Variants in PTPRT observed in about 807,000 individuals in gnomAD.
The protein encoded by PTPRT is receptor-type tyrosine-protein phosphatase T.
PTPRT carries 56 observed loss-of-function variants against 176.8 expected under a neutral mutation model. The ratio of observed to expected loss-of-function variants is 0.32; its 90% confidence interval spans 0.26 to 0.40. PTPRT has a LOEUF of 0.40. PTPRT is among the 10% of genes least tolerant of loss of function. The pLI, the probability that PTPRT is intolerant of heterozygous loss-of-function variation, is 1.00. For synonymous variants in PTPRT, 783 were observed against 739.0 expected, an observed-to-expected ratio of 1.06 and a Z score of -0.96; for missense variants, 1,540 against 1,908.2, an observed-to-expected ratio of 0.81 and a Z score of 3.60.
intron 9 of PTPRT, among the ~76,000 whole-genome samples, chr20:42,430,012 G>A (rs531877401): frequency 2.0e-5 from 3 of 152,348 alleles, no homozygotes; most frequent in African/African-American, 7.2e-5. Flanking sequence ...GAGGAGGTTA[G>A]GTTTTATCCT....
intron 7 of PTPRT, among the ~76,000 whole-genome samples, chr20:42,564,834 T>C (rs1025862707): frequency 6.6e-6 from 1 of 152,180 alleles, no homozygotes; most frequent in Non-Finnish European, 1.5e-5. Flanking sequence ...CTGGGTGTTG[T>C]AAGTAACCTA....
At chr20:42,280,323 T>C (rs1600773622) in intron 13 of PTPRT, among the ~76,000 whole-genome samples, 1 of 152,178 alleles carries the variant, frequency 6.6e-6, no homozygotes, top group Non-Finnish European at 1.5e-5. Context: ...CCAAGCATCC[T>C]TCTTATCTGA....
chr20:42,882,901 G>C (rs1012428957), intron 2 of PTPRT, among the ~76,000 whole-genome samples: 2 of 152,234 alleles, frequency 1.3e-5, no homozygotes, highest in Non-Finnish European at 2.9e-5. Context: ...CAGTAGGTAG[G>C]GGAAAGGCTC....
At chr20:42,935,706 C>A (rs949933256) in intron 1 of PTPRT, among the ~76,000 whole-genome samples, 1 of 152,128 alleles carries the variant, frequency 6.6e-6, no homozygotes, top group African/African-American at 2.4e-5. Context: ...CTCGTCTAGT[C>A]CGGTCTAGTC....
chr20:42,365,630 T>C (rs2058503894), intron 9 of PTPRT, among the ~76,000 whole-genome samples: 1 of 151,722 alleles, frequency 6.6e-6, no homozygotes, highest in Non-Finnish European at 1.5e-5. Flanking sequence ...ACACATGAAA[T>C]ACACTCACAC....
intron 1 of PTPRT, among the ~76,000 whole-genome samples, chr20:43,108,931 T>C (rs2012739069): frequency 6.6e-6 from 1 of 152,094 alleles, no homozygotes; most frequent in Non-Finnish European, 1.5e-5. Context: ...AGAAATGCAT[T>C]CACCCAATGC....
intron 1 of PTPRT, among the ~76,000 whole-genome samples, chr20:43,089,560 A>G (rs1311476136): frequency 6.6e-6 from 1 of 152,256 alleles, no homozygotes; most frequent in Non-Finnish European, 1.5e-5. Context: ...TCATAAAATC[A>G]CTGTGAACTG....
intron 7 of PTPRT, among the ~76,000 whole-genome samples, chr20:42,508,803 C>CTT (rs1212239444): frequency 6.6e-6 from 1 of 150,740 alleles, no homozygotes; most frequent in Non-Finnish European, 1.5e-5. Flanking sequence ...CATATTTTTA[C>CTT]TTAATAGACC....
chr20:42,791,552 G>A (rs2145552455), intron 2 of PTPRT, 86 bp from the exon 3 acceptor site: 1 of 1,410,572 alleles, frequency 7.1e-7, no homozygotes, highest in Non-Finnish European at 9.5e-7. Context: ...CATAAACATG[G>A]TGGCCAGAGG....
At position 43,051,625 on chromosome 20, in the gene PTPRT, T is replaced by TAAAAAAAAAAAAA. The variant is rs35885799; in HGVS notation, c.88+138008_88+138020dup. 6.7e-4 allele frequency among the ~76,000 whole-genome samples: 62 copies of TAAAAAAAAAAAAA among 91,948 alleles called. 3 individuals carry two copies. Among genetic ancestry groups the TAAAAAAAAAAAAA allele is most frequent in the African/African-American group, 3.1e-3 (58 of 18,806 alleles). The allele number at this position is 91,948 out of a possible 152,430, so 60.3% of individuals were successfully genotyped here. A position where few individuals can be genotyped will look rare whatever the true frequency, so the allele number is the denominator to read the frequency against. On this transcript the variant is annotated intron_variant, in intron 1 of 30. Coordinates refer to ENST00000373187, the MANE Select transcript of PTPRT (RefSeq NM_007050.6). Reference sequence around the variant, plus strand: ...TCCTTCCAGCCACACTCTGTAACTGTAAAAAAAAAAAAAAAAAAAAAAAAT... The same window carrying TAAAAAAAAAAAAA: ...TCCTTCCAGCCACACTCTGTAACTGTAAAAAAAAAAAAAAAAAAAAAAAAAAAAAAAAAAAAAT...
chr20:42,497,055 T>C (rs1178397935), intron 7 of PTPRT, among the ~76,000 whole-genome samples: 1 of 152,174 alleles, frequency 6.6e-6, no homozygotes, highest in Non-Finnish European at 1.5e-5. Flanking sequence ...AGGTACTTCC[T>C]GACCCAGAGA....
chr20:43,123,267 C>G (rs2013332147), intron 1 of PTPRT, among the ~76,000 whole-genome samples: 1 of 152,230 alleles, frequency 6.6e-6, no homozygotes, highest in African/African-American at 2.4e-5. Flanking sequence ...AAACTGTTCC[C>G]TGGCCTGGTT....
intron 1 of PTPRT, among the ~76,000 whole-genome samples, chr20:42,985,933 G>A (rs539295008): frequency 1.3e-5 from 2 of 152,300 alleles, no homozygotes; most frequent in South Asian, 4.1e-4. Flanking sequence ...ATGAGGGTAA[G>A]AGAAGCAGAA....
intron 17 of PTPRT, among the ~76,000 whole-genome samples, chr20:42,159,779 G>T (rs1239422285): frequency 6.6e-6 from 1 of 152,092 alleles, no homozygotes; most frequent in Non-Finnish European, 1.5e-5. Context: ...CATGCCCCTT[G>T]TCACCATGTT....
intron 1 of PTPRT, among the ~76,000 whole-genome samples, chr20:43,124,661 G>A (rs557497441): frequency 2.0e-5 from 3 of 152,314 alleles, no homozygotes; most frequent in East Asian, 1.9e-4. Flanking sequence ...CGCATTCAAC[G>A]ATCCAACAGA....
At chr20:42,284,825 A>G (rs2057201931) in intron 12 of PTPRT, among the ~76,000 whole-genome samples, 1 of 151,982 alleles carries the variant, frequency 6.6e-6, no homozygotes, top group Non-Finnish European at 1.5e-5. Flanking sequence ...TTTATAAAGT[A>G]GATAATTTGG....
intron 1 of PTPRT, among the ~76,000 whole-genome samples, chr20:42,916,486 G>T (rs1978765672): frequency 6.6e-6 from 1 of 152,156 alleles, no homozygotes. Flanking sequence ...ACCCAGTAAT[G>T]GGATTGCTGG....
chr20:42,243,197 G>A (rs78189211), intron 14 of PTPRT, among the ~76,000 whole-genome samples: 2 of 152,130 alleles, frequency 1.3e-5, no homozygotes, highest in African/African-American at 2.4e-5. Context: ...AGGAGGTAGT[G>A]CCTGTGAATG....
intron 15 of PTPRT, among the ~76,000 whole-genome samples, chr20:42,223,362 G>C (rs1487785188): frequency 6.6e-6 from 1 of 152,114 alleles, no homozygotes; most frequent in East Asian, 1.9e-4. Context: ...GAGAACAGAG[G>C]CTCAGAGAAT....
Sources: allele counts gnomAD v4.1 joint callset (sites outside exome capture counted in the v4.1 genomes callset), GRCh38; gene constraint gnomAD v4.1.1; transcripts MANE v1.5; gene names NCBI Gene and HGNC (gene_info 2026-07-23, HGNC 2026-07-21).